The following PRKN variants were observed in gnomAD, a reference collection of about 807,000 sequenced individuals.
The protein encoded by PRKN is parkin RBR E3 ubiquitin protein ligase.
In PRKN, 56 loss-of-function variants were observed where a neutral mutation model predicts 59.5. The observed-to-expected ratio is 0.94, with a 90% confidence interval of 0.76 to 1.18. The LOEUF is 1.18. PRKN is among the 50% of genes most tolerant of loss of function. PRKN has a pLI of 0.00. For missense variants in PRKN, 657 were observed against 596.4 expected, an observed-to-expected ratio of 1.10 and a Z score of -1.06; for synonymous variants, 250 against 222.1, an observed-to-expected ratio of 1.13 and a Z score of -1.12.
intron 9 of PRKN, among the ~76,000 whole-genome samples, chr6:161,478,904 T>C (rs1372050105): frequency 6.6e-6 from 1 of 152,174 alleles, no homozygotes; most frequent in African/African-American, 2.4e-5. Context: ...TATGTGGATA[T>C]ACTAATGCAA....
intron 7 of PRKN, among the ~76,000 whole-genome samples, chr6:161,771,382 T>A (rs139376855): frequency 0.018 from 2,014 of 114,106 alleles, 61 homozygotes; most frequent in African/African-American, 0.05. Context: ...TAAAATAAAA[T>A]AAAATAAAAT....
At chr6:161,636,520 C>T (rs932193957) in intron 7 of PRKN, among the ~76,000 whole-genome samples, 11 of 152,242 alleles carry the variant, frequency 7.2e-5, no homozygotes, top group Admixed American at 7.2e-4. Context: ...CCTTAATGCA[C>T]ATGCGGGAGT....
intron 4 of PRKN, among the ~76,000 whole-genome samples, chr6:162,149,828 A>G (rs150761020): frequency 1.3e-5 from 2 of 152,312 alleles, no homozygotes; most frequent in East Asian, 1.9e-4. Context: ...AGAGACGGAA[A>G]GAGGGTCTTC....
At chr6:162,454,930 G>T (rs1413643325) in intron 1 of PRKN, among the ~76,000 whole-genome samples, 1 of 152,180 alleles carries the variant, frequency 6.6e-6, no homozygotes, top group Non-Finnish European at 1.5e-5. Flanking sequence ...GTAAGGTAAA[G>T]GTTGGCATTA....
intron 4 of PRKN, among the ~76,000 whole-genome samples, chr6:162,179,237 C>T (rs1290039204): frequency 6.6e-6 from 1 of 152,192 alleles, no homozygotes; most frequent in East Asian, 1.9e-4. Flanking sequence ...GGATACCACA[C>T]ATGTTCTATT....
intron 5 of PRKN, among the ~76,000 whole-genome samples, chr6:161,979,051 T>C: frequency 6.6e-6 from 1 of 152,266 alleles, no homozygotes; most frequent in East Asian, 1.9e-4. Flanking sequence ...AACCAGGAGC[T>C]ATAATTCCCA....
chr6:161,892,079 C>G (rs905138460), intron 6 of PRKN, among the ~76,000 whole-genome samples: 1 of 152,186 alleles, frequency 6.6e-6, no homozygotes, highest in African/African-American at 2.4e-5. Context: ...TGCAATCAGG[C>G]AAACAATCCT....
chr6:162,443,440 G>A lies in PRKN; in HGVS notation c.41C>T (p.Pro14Leu). The change falls in exon 2 of 12, where the codon CCA becomes CTA. Residue 14 changes from proline (P) to leucine (L), a missense_variant. Pro to Leu is a moderately conservative substitution (Grantham distance 98). Transcript: ENST00000366898. ...FVRFNSSHGF[P>L]VEVDSDTSIF... ...GCTGGTGTCAGAATCGACCTCCACT[G>A]GGAAACCATGGCTGGAGTTGAACCT... The A allele has an allele frequency of 6.2e-7, 1 of 1,614,096 alleles. No homozygotes were observed. Among genetic ancestry groups the A allele is most frequent in the Non-Finnish European group, 8.5e-7 (1 of 1,179,998 alleles).
At chr6:161,433,051 C>G (rs191987430) in intron 9 of PRKN, among the ~76,000 whole-genome samples, 71 of 152,116 alleles carry the variant, frequency 4.7e-4, no homozygotes, top group Admixed American at 1.0e-3. Flanking sequence ...ATTCTTTGTT[C>G]CTGAAGATTT....
At chr6:162,388,356 C>T (rs1786963744) in intron 2 of PRKN, among the ~76,000 whole-genome samples, 2 of 152,154 alleles carry the variant, frequency 1.3e-5, no homozygotes, top group Non-Finnish European at 1.5e-5. Flanking sequence ...AAGAGTGACA[C>T]TTACGGATCT....
rs1790195852 is a variant in PRKN at position 161,461,120 on chromosome 6, A to C, written c.1084-74243T>G. Among the ~76,000 whole-genome samples the C allele has an allele frequency of 6.6e-6, 1 of 152,270 alleles. No individual in the cohort carries two copies. The highest frequency in any genetic ancestry group is 1.5e-5 in the Non-Finnish European group (1 of 68,016). ...ACCCCATAAACATTCCACCTGCATC[A>C]GTTTTTCAGAAAACAGAACTGAACG... On this transcript the variant is annotated intron_variant, in intron 9 of 11. Coordinates refer to ENST00000366898, the MANE Select transcript of PRKN (RefSeq NM_004562.3). This position sits in a 1 kb window ranked among gnomAD's most constrained non-coding sequence, Gnocchi z 5.1.
At chr6:162,640,851 T>C (rs961107741) in intron 1 of PRKN, among the ~76,000 whole-genome samples, 2 of 152,166 alleles carry the variant, frequency 1.3e-5, no homozygotes, top group African/African-American at 2.4e-5. Context: ...GTATAAACTC[T>C]AGCCTGAAGC....
chr6:162,002,924 T>G (rs1267764998), intron 5 of PRKN, among the ~76,000 whole-genome samples: 2 of 152,260 alleles, frequency 1.3e-5, no homozygotes, highest in East Asian at 3.9e-4. Flanking sequence ...TTTTGGGATT[T>G]TCCATCTGTC....
intron 7 of PRKN, among the ~76,000 whole-genome samples, chr6:161,637,872 C>A (rs571624421): frequency 1.2e-4 from 18 of 152,186 alleles, no homozygotes; most frequent in Non-Finnish European, 1.8e-4. Context: ...GGAGGTGGCC[C>A]AATCCAAGGT....
intron 4 of PRKN, among the ~76,000 whole-genome samples, chr6:162,153,641 C>A (rs765677962): frequency 6.6e-6 from 1 of 152,028 alleles, no homozygotes; most frequent in Non-Finnish European, 1.5e-5. Context: ...ATGATTAATG[C>A]GGACAATTTT....
intron 5 of PRKN, among the ~76,000 whole-genome samples, chr6:162,017,950 A>G (rs555479243): frequency 2.0e-5 from 3 of 152,332 alleles, no homozygotes; most frequent in African/African-American, 7.2e-5. Flanking sequence ...CTGGCTGTCT[A>G]TGTGCAATGA....
chr6:162,492,942 G>T, intron 1 of PRKN, among the ~76,000 whole-genome samples: 1 of 121,596 alleles, frequency 8.2e-6, no homozygotes, highest in Middle Eastern at 5.7e-3. Context: ...AACAGAGCGA[G>T]ACTTTGTCTC....
chr6:162,233,678 TCCG>T (rs1430211073), intron 3 of PRKN, among the ~76,000 whole-genome samples: 1 of 152,218 alleles, frequency 6.6e-6, no homozygotes, highest in African/African-American at 2.4e-5. Flanking sequence ...ACTGGACGTG[TCCG>T]CCAGATTTCA....
Position 161,551,576 on chromosome 6 carries a change from G to A in PRKN, c.934-2573C>T, listed in dbSNP as rs577701081. Among the ~76,000 whole-genome samples the A allele has an allele frequency of 1.3e-5, 2 of 152,150 alleles. No individual in the cohort carries two copies. The highest frequency in any genetic ancestry group is 4.8e-5 in the African/African-American group (2 of 41,434). On this transcript the variant is annotated intron_variant, in intron 8 of 11. Coordinates refer to ENST00000366898, the MANE Select transcript of PRKN (RefSeq NM_004562.3). This position sits in a 1 kb window ranked among gnomAD's most constrained non-coding sequence, Gnocchi z 5.2. ...GCCATGATGAGCTGTGGTTGGAGCT[G>A]GGTGTGTGGCTGCCATTGCGGTCTT...
Sources: gnomAD v4.1 joint callset for allele counts (sites outside exome capture counted in the v4.1 genomes callset) on GRCh38, gnomAD v4.1.1 for gene constraint, Gnocchi (gnomAD v3.1) non-coding constraint, MANE v1.5 for transcripts, NCBI Gene and HGNC (gene_info 2026-07-23, HGNC 2026-07-21) for gene names.